GNG7: variants seen among roughly 807,000 people sequenced by gnomAD.
GNG7 encodes the protein G protein subunit gamma 7, also known as guanine nucleotide-binding protein G(I)/G(S)/G(O) subunit gamma-7.
GNG7 carries 1 observed loss-of-function variant against 4.0 expected under a neutral mutation model. The observed-to-expected ratio is 0.25, with a 90% CI of 0.09 to 1.18. The LOEUF is 1.18. GNG7 is among the 50% of genes most tolerant of loss of function. The probability of loss-of-function intolerance (pLI) is 0.50; values close to 1 mark genes in which losing one functional copy is unlikely to be tolerated. For missense variants in GNG7, 86 were observed against 91.9 expected, an observed-to-expected ratio of 0.94 and a Z score of 0.26; for synonymous variants, 34 against 36.9, an observed-to-expected ratio of 0.92 and a Z score of 0.29.
chr19:2,576,545 T>TTATG (rs1980348356), intron 2 of GNG7, among the ~76,000 whole-genome samples: 1 of 151,094 alleles, frequency 6.6e-6, no homozygotes, highest in African/African-American at 2.5e-5. Flanking sequence ...TATTATGTAT[T>TTATG]TATTTATTTA....
chr19:2,611,807 G>A lies in GNG7; in HGVS notation c.-78+34417C>T, dbSNP rs1216351102. ...GCGTTGATCGCGCCACTGCTCTCCAGCCTGGGCGACAGAGGGAGATTCTGT... is the reference window on the plus strand; with the variant it reads ...GCGTTGATCGCGCCACTGCTCTCCAACCTGGGCGACAGAGGGAGATTCTGT... On this transcript the variant is annotated intron_variant, in intron 2 of 4. Coordinates refer to ENST00000382159, the MANE Select transcript of GNG7 (RefSeq NM_052847.3). The surrounding 1 kb of genome is among the most constrained non-coding windows in gnomAD (Gnocchi z 6.0). 1 of 152,186 alleles carries A rather than the reference G, an allele frequency of 6.6e-6. No individual in the cohort carries two copies. Among genetic ancestry groups the A allele is most frequent in the Admixed American group, 6.5e-5 (1 of 15,276 alleles). 9.4% of individuals were successfully genotyped at this position (152,186 alleles called of 1,614,324 possible).
At chr19:2,690,238 CGA>C (rs947855732) in intron 1 of GNG7, among the ~76,000 whole-genome samples, 4 of 151,742 alleles carry the variant, frequency 2.6e-5, no homozygotes, top group Non-Finnish European at 2.9e-5. Flanking sequence ...AAAAATTAGC[CGA>C]GTGTGGTGTC....
intron 2 of GNG7, among the ~76,000 whole-genome samples, chr19:2,627,660 A>G (rs1271651421): frequency 6.6e-6 from 1 of 152,240 alleles, no homozygotes; most frequent in Non-Finnish European, 1.5e-5. Context: ...CAGCCGGAAT[A>G]TTAGTCAGGG....
chr19:2,686,408 T>C (rs1185174653), intron 1 of GNG7, among the ~76,000 whole-genome samples: 1 of 152,154 alleles, frequency 6.6e-6, no homozygotes, highest in Non-Finnish European at 1.5e-5. Flanking sequence ...TCCACCCACC[T>C]CGGCCTCCCA....
chr19:2,613,026 T>C (rs1302160118), intron 2 of GNG7, among the ~76,000 whole-genome samples: 1 of 151,974 alleles, frequency 6.6e-6, no homozygotes, highest in African/African-American at 2.4e-5. Context: ...GGAGGTAGCC[T>C]AGGAGGGCAA....
At chr19:2,632,999 C>T (rs2144844567) in intron 2 of GNG7, 1 of 152,426 alleles carries the variant, frequency 6.6e-6, no homozygotes, top group East Asian at 1.9e-4. Flanking sequence ...CTCTACCAGG[C>T]CCCTAACTTC....
chr19:2,622,869 G>C (rs1208261657), intron 2 of GNG7, among the ~76,000 whole-genome samples: 1 of 152,272 alleles, frequency 6.6e-6, no homozygotes, highest in Admixed American at 6.5e-5. Flanking sequence ...ACGTGGCAGA[G>C]AGGAGGGCTT....
rs192539648 is a variant in GNG7, at chr19:2,521,718, A to G, written c.-37-993T>C. Among the ~76,000 whole-genome samples the G allele has an allele frequency of 8.4e-4, 125 of 148,066 alleles. 2 individuals are homozygous for G. In the East Asian group the frequency reaches 0.021, roughly 25 times the overall value. ...AACCTCTGCCTCCCGGGTTCAAGCG[A>G]TTCTCCTGCCTCAGCCTCCCGAGTA... On this transcript the variant is annotated intron_variant, in intron 3 of 4. Coordinates refer to ENST00000382159, the MANE Select transcript of GNG7 (RefSeq NM_052847.3).
At chr19:2,532,620 CAGAATCCCT>C (rs1978631227) in intron 3 of GNG7, among the ~76,000 whole-genome samples, 1 of 152,158 alleles carries the variant, frequency 6.6e-6, no homozygotes, top group Admixed American at 6.6e-5. Flanking sequence ...CCACAGATTT[CAGAATCCCT>C]AGAACCTCAG....
chr19:2,684,447 G>A (rs1421149799), intron 1 of GNG7, among the ~76,000 whole-genome samples: 1 of 151,762 alleles, frequency 6.6e-6, no homozygotes, highest in African/African-American at 2.4e-5. Flanking sequence ...CACCAGTGCT[G>A]TTGATGGAGG....
intron 1 of GNG7, among the ~76,000 whole-genome samples, chr19:2,683,968 C>G (rs1019980982): frequency 1.3e-5 from 2 of 152,096 alleles, no homozygotes; most frequent in African/African-American, 4.8e-5. Context: ...AAAGCGACGT[C>G]AAATGGACAA....
chr19:2,577,451 A>T (rs574715219), intron 2 of GNG7, among the ~76,000 whole-genome samples: 1 of 152,188 alleles, frequency 6.6e-6, no homozygotes, highest in South Asian at 2.1e-4. Flanking sequence ...GGTCCTAGCT[A>T]TCAGACCCTC....
At chr19:2,522,553 T>G (rs939583796) in intron 3 of GNG7, among the ~76,000 whole-genome samples, 2 of 150,956 alleles carry the variant, frequency 1.3e-5, no homozygotes, top group Non-Finnish European at 1.5e-5. Flanking sequence ...GGCGGGCGGG[T>G]CACAAGGTCA....
In GNG7 at chr19:2,674,471, C is replaced by T. The variant is rs142550278; in HGVS notation, c.-135+28175G>A. 4.2e-3 allele frequency among the ~76,000 whole-genome samples: 633 copies of T among 151,970 alleles called. 15 individuals are homozygous for T. The highest frequency in any genetic ancestry group is 0.013 in the East Asian group (67 of 5,170). ...TTTTTTTTGAGACAGAGTCTTGTTC[C>T]GTTGCCTAGGCTGGAGTGCAGTGGT... On this transcript the variant is annotated intron_variant, in intron 1 of 4. Coordinates refer to ENST00000382159, the MANE Select transcript of GNG7 (RefSeq NM_052847.3).
intron 2 of GNG7, among the ~76,000 whole-genome samples, chr19:2,593,784 C>CTTT (rs71178294): frequency 2.1e-5 from 3 of 139,556 alleles, no homozygotes; most frequent in Non-Finnish European, 3.1e-5. Flanking sequence ...CGGGGTAGCA[C>CTTT]TTTTTTTTTT....
At chr19:2,576,197 A>C (rs1400171375) in intron 2 of GNG7, among the ~76,000 whole-genome samples, 1 of 152,226 alleles carries the variant, frequency 6.6e-6, no homozygotes, top group African/African-American at 2.4e-5. Context: ...AGGCTCCAAG[A>C]CTGAGTTTCC....
At chr19:2,538,597 C>T (rs1978829445) in intron 3 of GNG7, 1 of 406,378 alleles carries the variant, frequency 2.5e-6, no homozygotes, top group Non-Finnish European at 4.8e-6. Flanking sequence ...CACCGCTGCA[C>T]TCCAGCCTGG....
At chr19:2,575,690 C>T (rs1228215267) in intron 2 of GNG7, among the ~76,000 whole-genome samples, 2 of 130,920 alleles carry the variant, frequency 1.5e-5, no homozygotes, top group Admixed American at 7.8e-5. Flanking sequence ...CGCAGGCACA[C>T]GCAGACACAC....
Position 2,512,306 on chromosome 19 carries a change from C to A in GNG7, c.*2716G>T, listed in dbSNP as rs974504767. 1.0e-6 allele frequency: 1 copy of A among 985,670 alleles called. No individual in the cohort carries two copies. Among genetic ancestry groups the A allele is most frequent in the Admixed American group, 6.2e-5 (1 of 16,256 alleles). 61.1% of individuals were successfully genotyped at this position (985,670 alleles called of 1,614,324 possible). A position where few individuals can be genotyped will look rare whatever the true frequency, so the allele number is the denominator to read the frequency against. ...GGTCGGTGTGTGCACTCGGGTGCCA[C>A]GTCTGCAAAGGTATTTTCCACAGTG... On this transcript the variant is annotated 3_prime_UTR_variant, in exon 5 of 5. Coordinates refer to ENST00000382159, the MANE Select transcript of GNG7 (RefSeq NM_052847.3). This position sits in a 1 kb window ranked among gnomAD's most constrained non-coding sequence, Gnocchi z 4.7.
Sources: allele counts gnomAD v4.1 joint callset (sites outside exome capture counted in the v4.1 genomes callset), GRCh38; gene constraint gnomAD v4.1.1; non-coding constraint Gnocchi (gnomAD v3.1); transcripts MANE v1.5; gene names NCBI Gene and HGNC (gene_info 2026-07-23, HGNC 2026-07-21).